STS: variants seen among roughly 807,000 people sequenced by gnomAD.
The protein encoded by STS is steroid sulfatase.
In STS, 7 loss-of-function variants were observed where a neutral mutation model predicts 26.8. That is an observed-to-expected ratio of 0.26 (90% confidence interval 0.15 to 0.49). The LOEUF is 0.49. Ranked by LOEUF, STS falls within the 20% of genes least tolerant of loss-of-function variation. The pLI is 0.98. For missense variants in STS, 434 were observed against 465.6 expected (o/e 0.93, Z 0.63); for synonymous variants, 199 against 189.4 (o/e 1.05, Z -0.42).
At position 7,148,018 on chromosome X, in the gene STS, G is replaced by A. The variant is rs1297001462; in HGVS notation, c.-199G>A. 6 of 1,091,339 alleles carry A rather than the reference G, an allele frequency of 5.5e-6. No homozygotes were observed. The highest frequency in any genetic ancestry group is 7.3e-6 in the Non-Finnish European group (6 of 816,388). 89.9% of individuals were successfully genotyped at this position (1,091,339 alleles called of 1,213,427 possible). A position where few individuals can be genotyped will look rare whatever the true frequency, so the allele number is the denominator to read the frequency against. On this transcript the variant is annotated 5_prime_UTR_variant, in exon 1 of 11. Transcript: ENST00000674429. Reference sequence around the variant, plus strand: ...ACCGTCCCCACGCCCACACAAGACCGCCCTTACTGGAGGCGGCGGCTGCAC... The same window carrying A: ...ACCGTCCCCACGCCCACACAAGACCACCCTTACTGGAGGCGGCGGCTGCAC...
intron 1 of STS, among the ~76,000 whole-genome samples, chrX:7,176,245 G>A (rs764873251): frequency 3.6e-5 from 4 of 111,815 alleles, no homozygotes; most frequent in Admixed American, 9.5e-5. Flanking sequence ...GGATCACGGG[G>A]GTAAAGACTT....
chrX:7,159,270 C>T (rs919891270), intron 1 of STS, among the ~76,000 whole-genome samples: 2 of 111,379 alleles, frequency 1.8e-5, no homozygotes, highest in Admixed American at 9.5e-5. Flanking sequence ...GTTTCATCAG[C>T]GTTGATGGGA....
At chrX:7,317,193 T>C (rs1187133232) in intron 8 of STS, among the ~76,000 whole-genome samples, 3 of 111,736 alleles carry the variant, frequency 2.7e-5, no homozygotes, top group Admixed American at 9.5e-5. Context: ...AAACTGTGAA[T>C]TGGACAATTA....
chrX:7,183,407 G>C (rs1395285027), intron 1 of STS, among the ~76,000 whole-genome samples: 1 of 111,625 alleles, frequency 9.0e-6, no homozygotes, highest in Non-Finnish European at 1.9e-5. Context: ...TGGATTCAGG[G>C]AGACAAGATG....
At chrX:7,175,136 C>A (rs1297303686) in intron 1 of STS, among the ~76,000 whole-genome samples, 8 of 96,537 alleles carry the variant, frequency 8.3e-5, no homozygotes, top group African/African-American at 3.1e-4. Context: ...AATCAGAAAA[C>A]CTAGATCCAA....
intron 3 of STS, among the ~76,000 whole-genome samples, chrX:7,254,004 G>A (rs1569202473): frequency 8.9e-6 from 1 of 112,063 alleles, no homozygotes; most frequent in Admixed American, 9.4e-5. Context: ...GTGGAAGGGG[G>A]GAGGGAGCTC....
intron 8 of STS, among the ~76,000 whole-genome samples, chrX:7,323,861 CTTCTCTGCCTTTA>C: frequency 9.0e-6 from 1 of 111,190 alleles, no homozygotes; most frequent in Non-Finnish European, 1.9e-5. Context: ...TTGGGGTGCC[CTTCTCTGCCTTTA>C]AAGTCAGCAG....
intron 2 of STS, among the ~76,000 whole-genome samples, chrX:7,197,348 G>T (rs1601643903): frequency 9.0e-6 from 1 of 111,724 alleles, no homozygotes; most frequent in Non-Finnish European, 1.9e-5. Flanking sequence ...GGGGTCCCGA[G>T]CCAGACCCCA....
intron 2 of STS, among the ~76,000 whole-genome samples, chrX:7,192,813 A>G (rs1171686758): frequency 8.9e-6 from 1 of 111,850 alleles, no homozygotes; most frequent in African/African-American, 3.3e-5. Flanking sequence ...GTTTGGAGAC[A>G]TTTTTGGTCG....
intron 7 of STS, among the ~76,000 whole-genome samples, chrX:7,294,811 T>G (rs1925589676): frequency 8.9e-6 from 1 of 111,809 alleles, no homozygotes; most frequent in Non-Finnish European, 1.9e-5. Flanking sequence ...ACCTACCTGG[T>G]TGCTGGGGAG....
chrX:7,286,080 A>G (rs1011790619), intron 7 of STS, among the ~76,000 whole-genome samples: 12 of 112,308 alleles, frequency 1.1e-4, no homozygotes, highest in African/African-American at 3.9e-4. Context: ...GTTTTTCTTC[A>G]TTGGAAATCC....
At chrX:7,265,632 AT>A in intron 6 of STS, among the ~76,000 whole-genome samples, 1 of 111,627 alleles carries the variant, frequency 9.0e-6, no homozygotes, top group Non-Finnish European at 1.9e-5. Flanking sequence ...CAACAAAAGG[AT>A]TTTTTCTTTA....
At chrX:7,344,524 G>A (rs1319026313) in intron 10 of STS, among the ~76,000 whole-genome samples, 1 of 111,270 alleles carries the variant, frequency 9.0e-6, no homozygotes, top group East Asian at 2.8e-4. Flanking sequence ...CCATCATCTC[G>A]AGTGTCACCA....
intron 8 of STS, among the ~76,000 whole-genome samples, chrX:7,308,391 G>T (rs1444406328): frequency 8.9e-6 from 1 of 111,966 alleles, no homozygotes; most frequent in Non-Finnish European, 1.9e-5. Flanking sequence ...AGGCTATAGA[G>T]CCCCAGGGCA....
chrX:7,221,597 C>T (rs1921571916), intron 2 of STS, among the ~76,000 whole-genome samples: 1 of 111,911 alleles, frequency 8.9e-6, no homozygotes, highest in Admixed American at 9.5e-5. Flanking sequence ...CTCAAGATGG[C>T]ACCAAAAGTT....
intron 2 of STS, among the ~76,000 whole-genome samples, chrX:7,215,988 C>T: frequency 8.9e-6 from 1 of 111,983 alleles, no homozygotes; most frequent in Non-Finnish European, 1.9e-5. Context: ...GAAATGACAG[C>T]CTATTCACAG....
chrX:7,182,003 G>C (rs1394712251), intron 1 of STS, among the ~76,000 whole-genome samples: 1 of 111,579 alleles, frequency 9.0e-6, no homozygotes, highest in Non-Finnish European at 1.9e-5. Flanking sequence ...GAGCCTGGTA[G>C]GCAAAGGTGG....
intron 7 of STS, among the ~76,000 whole-genome samples, chrX:7,282,894 A>G (rs1223710730): frequency 8.9e-6 from 1 of 112,027 alleles, no homozygotes; most frequent in Non-Finnish European, 1.9e-5. Context: ...AACCATGGGC[A>G]TGGATGAGAT....
At chrX:7,192,710 A>T (rs1264344807) in intron 2 of STS, among the ~76,000 whole-genome samples, 1 of 112,062 alleles carries the variant, frequency 8.9e-6, no homozygotes, top group Non-Finnish European at 1.9e-5. Context: ...TTGCAGGGTG[A>T]TTTAATGATT....
Sources: gnomAD v4.1 joint callset for allele counts (sites outside exome capture counted in the v4.1 genomes callset) on GRCh38, gnomAD v4.1.1 for gene constraint, MANE v1.5 for transcripts, NCBI Gene and HGNC (gene_info 2026-07-23, HGNC 2026-07-21) for gene names.